The following PRKG1 variants were observed in gnomAD, a reference collection of about 807,000 sequenced individuals.
PRKG1 encodes the protein cGMP-dependent protein kinase 1.
Under a neutral mutation model 88.1 loss-of-function variants are expected in PRKG1, and 35 were observed. The observed-to-expected ratio is 0.40, with a 90% CI of 0.30 to 0.53. PRKG1 has a LOEUF of 0.53. PRKG1 is among the 20% of genes least tolerant of loss of function. The pLI, the probability that PRKG1 is intolerant of heterozygous loss-of-function variation, is 0.59. For missense variants in PRKG1, 540 were observed against 839.8 expected (o/e 0.64, Z 4.41); for synonymous variants, 303 against 292.5 (o/e 1.04, Z -0.37).
chr10:51,683,673 G>A (rs760551061), intron 3 of PRKG1, among the ~76,000 whole-genome samples: 1 of 152,018 alleles, frequency 6.6e-6, no homozygotes, highest in Non-Finnish European at 1.5e-5. Flanking sequence ...GTGGTGCCAC[G>A]GCTTGATCTG....
intron 3 of PRKG1, among the ~76,000 whole-genome samples, chr10:51,638,150 G>C (rs776697188): frequency 3.3e-5 from 5 of 152,130 alleles, no homozygotes; most frequent in Non-Finnish European, 5.9e-5. Flanking sequence ...TTTTACAAAA[G>C]TAAAAATTTT....
At chr10:51,258,537 C>T (rs1839623394) in intron 2 of PRKG1, among the ~76,000 whole-genome samples, 1 of 152,192 alleles carries the variant, frequency 6.6e-6, no homozygotes, top group Non-Finnish European at 1.5e-5. Context: ...AAAAGCTGGC[C>T]TTGCTCTATT....
chr10:52,260,537 G>A (rs904947604), intron 10 of PRKG1, among the ~76,000 whole-genome samples: 3 of 152,050 alleles, frequency 2.0e-5, no homozygotes, highest in Non-Finnish European at 2.9e-5. Flanking sequence ...CTTCACCTAC[G>A]TGGTTATATG....
intron 3 of PRKG1, among the ~76,000 whole-genome samples, chr10:51,729,055 C>T (rs1842208205): frequency 6.6e-6 from 1 of 152,174 alleles, no homozygotes; most frequent in Non-Finnish European, 1.5e-5. Context: ...ACACATCTTG[C>T]TTTGCATATC....
intron 2 of PRKG1, among the ~76,000 whole-genome samples, chr10:51,270,013 T>C (rs766626622): frequency 6.6e-6 from 1 of 152,172 alleles, no homozygotes; most frequent in South Asian, 2.1e-4. Flanking sequence ...CAGCTTGAGG[T>C]GAAGGAGGTC....
chr10:52,298,283 C>A lies in PRKG1; in HGVS notation c.*4383C>A, dbSNP rs879037181. Reference sequence around the variant, plus strand: ...TTTGATTTGCTCTGTATTTTTCCTGCAGCTGTAATTGCTGAGTGCCTGTTG... The same window carrying A: ...TTTGATTTGCTCTGTATTTTTCCTGAAGCTGTAATTGCTGAGTGCCTGTTG... On this transcript the variant is annotated 3_prime_UTR_variant, in exon 18 of 18. Transcript: ENST00000373980. 6.6e-6 allele frequency: 1 copy of A among 151,384 alleles called. No homozygotes were observed. Among genetic ancestry groups the A allele is most frequent in the African/African-American group, 2.4e-5 (1 of 41,150 alleles). 9.4% of individuals were successfully genotyped at this position (151,384 alleles called of 1,614,324 possible). A position where few individuals can be genotyped will look rare whatever the true frequency, so the allele number is the denominator to read the frequency against.
At chr10:51,456,429 C>A (rs564957055) in intron 2 of PRKG1, among the ~76,000 whole-genome samples, 1 of 151,950 alleles carries the variant, frequency 6.6e-6, no homozygotes, top group African/African-American at 2.4e-5. Flanking sequence ...TCACCTTATA[C>A]AAAAATTAAC....
At chr10:51,393,293 C>G (rs1222532083) in intron 2 of PRKG1, among the ~76,000 whole-genome samples, 2 of 151,546 alleles carry the variant, frequency 1.3e-5, no homozygotes, top group Admixed American at 1.3e-4. Context: ...CCTCACTTCC[C>G]AGATGGGATG....
chr10:51,314,242 T>C (rs1317914143), intron 2 of PRKG1, among the ~76,000 whole-genome samples: 2 of 152,194 alleles, frequency 1.3e-5, no homozygotes, highest in African/African-American at 4.8e-5. Flanking sequence ...CCTCAATATT[T>C]ATTAAACTAC....
chr10:51,280,417 G>GAA (rs1396860403), intron 2 of PRKG1, among the ~76,000 whole-genome samples: 4 of 152,132 alleles, frequency 2.6e-5, no homozygotes, highest in Admixed American at 2.6e-4. Context: ...ATGTTGGCCT[G>GAA]CCTTGCTAGG....
At chr10:51,800,810 T>C (rs1839152748) in intron 3 of PRKG1, among the ~76,000 whole-genome samples, 1 of 152,020 alleles carries the variant, frequency 6.6e-6, no homozygotes, top group Non-Finnish European at 1.5e-5. Context: ...GATCCTCTTT[T>C]TCTAAGGACA....
intron 6 of PRKG1, 59 bp from the exon 7 acceptor site, chr10:52,062,478 G>A: frequency 9.6e-7 from 1 of 1,047,042 alleles, no homozygotes; most frequent in South Asian, 2.1e-5. Flanking sequence ...ATTAATTAGT[G>A]TTCCTTTGTC....
chr10:51,834,745 A>C (rs182009486), intron 4 of PRKG1, among the ~76,000 whole-genome samples: 215 of 152,068 alleles, frequency 1.4e-3, no homozygotes, highest in Middle Eastern at 3.4e-3. Flanking sequence ...AAAAGAAAAA[A>C]GAAAAGAAAG....
intron 3 of PRKG1, among the ~76,000 whole-genome samples, chr10:51,662,443 C>T (rs557934388): frequency 8.5e-5 from 13 of 152,142 alleles, no homozygotes; most frequent in African/African-American, 3.1e-4. Flanking sequence ...GCAATAAACA[C>T]ACACACAAAA....
At chr10:51,071,849 A>T (rs761519864), upstream of PRKG1, among the ~76,000 whole-genome samples, 32 of 152,200 alleles carry the variant, frequency 2.1e-4, no homozygotes, top group Non-Finnish European at 4.0e-4. Context: ...TAAACCCTAA[A>T]TAAACTCTAA....
At chr10:51,534,666 C>A (rs367974044) in intron 3 of PRKG1, among the ~76,000 whole-genome samples, 589 of 120,596 alleles carry the variant, frequency 4.9e-3, no homozygotes, top group East Asian at 0.01. Flanking sequence ...GACTCTGTCT[C>A]AAAAAAAAAA....
At chr10:51,092,077 G>A (rs1844411295) in intron 1 of PRKG1, among the ~76,000 whole-genome samples, 1 of 152,092 alleles carries the variant, frequency 6.6e-6, no homozygotes, top group Non-Finnish European at 1.5e-5. Context: ...ATTCTGCCAT[G>A]AAGTGTTAAA....
rs184381181 is a variant in PRKG1 at position 51,577,196 on chromosome 10, G to A, written c.592+109360G>A. On this transcript the variant is annotated intron_variant, in intron 3 of 17. Coordinates refer to ENST00000373980, the MANE Select transcript of PRKG1 (RefSeq NM_006258.4). ...ATAAATGGTTTCATATTTTTGGTACGTTATTTCCCATAAAGCAATATATTC... is the reference window on the plus strand; with the variant it reads ...ATAAATGGTTTCATATTTTTGGTACATTATTTCCCATAAAGCAATATATTC... Among the ~76,000 whole-genome samples the A allele has an allele frequency of 2.2e-4, 33 of 151,926 alleles. No individual in the cohort carries two copies. In the East Asian group the frequency reaches 2.3e-3, roughly 11 times the overall value.
At chr10:51,697,545 CAGAA>C (rs918258323) in intron 3 of PRKG1, 44 of 760,032 alleles carry the variant, frequency 5.8e-5, no homozygotes, top group South Asian at 1.2e-4. Context: ...AAAAGGAAAA[CAGAA>C]AGAAAGAAAA....
Sources: allele counts gnomAD v4.1 joint callset (sites outside exome capture counted in the v4.1 genomes callset), GRCh38; gene constraint gnomAD v4.1.1; transcripts MANE v1.5; gene names NCBI Gene and HGNC (gene_info 2026-07-23, HGNC 2026-07-21).